Variants in SCN8A observed in about 807,000 individuals in gnomAD.
SCN8A encodes the protein sodium voltage-gated channel alpha subunit 8.
A neutral mutation model predicts 184.1 loss-of-function variants in SCN8A; 30 were observed. That is an observed-to-expected ratio of 0.16 (90% confidence interval 0.12 to 0.22). The LOEUF is 0.22. SCN8A is among the 10% of genes least tolerant of loss of function. The pLI is 1.00. For missense variants in SCN8A, 1,057 were observed against 2,498.9 expected (o/e 0.42, Z 12.30); for synonymous variants, 852 against 907.0 (o/e 0.94, Z 1.09).
intron 2 of SCN8A, among the ~76,000 whole-genome samples, chr12:51,675,750 G>GTA (rs1400219514): frequency 6.6e-6 from 1 of 152,148 alleles, no homozygotes; most frequent in East Asian, 1.9e-4. Context: ...ATAATTAAGA[G>GTA]TATAGGCTTT....
At chr12:51,629,573 T>C (rs1940153207) in intron 1 of SCN8A, among the ~76,000 whole-genome samples, 1 of 102,562 alleles carries the variant, frequency 9.8e-6, no homozygotes, top group South Asian at 3.6e-4. Context: ...GAATTCTGCA[T>C]CAGTTTTGCA....
At chr12:51,771,331 A>G (rs1417045416) in intron 19 of SCN8A, among the ~76,000 whole-genome samples, 3 of 152,162 alleles carry the variant, frequency 2.0e-5, no homozygotes, top group South Asian at 2.1e-4. Flanking sequence ...GAGACAGTAC[A>G]CACTTTCCTT....
chr12:51,699,672 T>A lies in SCN8A; in HGVS notation c.809T>A (p.Leu270Gln). Residue 270 changes from leucine (L) to glutamine (Q), a missense_variant, in exon 7 of 27, where the codon CTG (leucine) becomes CAG (glutamine). This residue lies in a region of SCN8A where 66 missense variants were observed against 276.4 expected (regional missense o/e 0.24). Coordinates refer to ENST00000627620, the MANE Select transcript of SCN8A (RefSeq NM_001330260.2). ...FCLSVFALIGLQLFMGNLRNK... is the reference protein window; with the variant it reads ...FCLSVFALIGQQLFMGNLRNK... ...CTGAGTGTTTTTGCCTTGATCGGACTGCAGCTGTTCATGGGGAACCTTCGA... is the reference window on the plus strand; with the variant it reads ...CTGAGTGTTTTTGCCTTGATCGGACAGCAGCTGTTCATGGGGAACCTTCGA... 1 of 1,614,154 alleles carries A rather than the reference T, an allele frequency of 6.2e-7. No homozygotes were observed. Among genetic ancestry groups the A allele is most frequent in the Non-Finnish European group, 8.5e-7 (1 of 1,180,006 alleles).
chr12:51,701,693 C>A (rs1184694226), intron 8 of SCN8A, among the ~76,000 whole-genome samples: 1 of 152,080 alleles, frequency 6.6e-6, no homozygotes, highest in Non-Finnish European at 1.5e-5. Flanking sequence ...TTTTTTCATC[C>A]ATAAAATGGA....
chr12:51,617,665 A>T (rs751820234), intron 1 of SCN8A, among the ~76,000 whole-genome samples: 6 of 152,128 alleles, frequency 3.9e-5, no homozygotes, highest in African/African-American at 1.2e-4. Context: ...TTGAATTTGT[A>T]TCCTGAACAC....
At chr12:51,797,810 C>G (rs1341029410) in intron 26 of SCN8A, among the ~76,000 whole-genome samples, 1 of 152,172 alleles carries the variant, frequency 6.6e-6, no homozygotes, top group Non-Finnish European at 1.5e-5. Flanking sequence ...TTAGAGGTAG[C>G]CCAAAGTGGC....
At chr12:51,601,855 GTT>G (rs938674707) in intron 1 of SCN8A, among the ~76,000 whole-genome samples, 10,017 of 109,562 alleles carry the variant, frequency 0.091, 449 homozygotes, top group South Asian at 0.21. Flanking sequence ...CAGAGAAAGG[GTT>G]TTTTTTTTTT....
intron 1 of SCN8A, among the ~76,000 whole-genome samples, chr12:51,592,719 G>A (rs1939255145): frequency 6.6e-6 from 1 of 152,086 alleles, no homozygotes; most frequent in South Asian, 2.1e-4. Flanking sequence ...AAGTGTGGGT[G>A]GGGGCCATGG....
chr12:51,706,721 CTCT>C lies in SCN8A; in HGVS notation c.1635+11_1635+13del. 4.0e-6 allele frequency: 6 copies of C among 1,513,266 alleles called. No individual in the cohort carries two copies. The highest frequency in any genetic ancestry group is 5.3e-6 in the Non-Finnish European group (6 of 1,135,926). 93.7% of individuals were successfully genotyped at this position (1,513,266 alleles called of 1,614,324 possible). On this transcript the variant is annotated splice_region_variant and intron_variant, in intron 11 of 26. Coordinates refer to ENST00000627620, the MANE Select transcript of SCN8A (RefSeq NM_001330260.2). ...AATTTTCCATCATGAATCAGGTAAA[CTCT>C]TCTTTTTTCTATACCTTTTTCAAAA...
chr12:51,599,675 A>T (rs771056114), intron 1 of SCN8A, among the ~76,000 whole-genome samples: 1 of 152,204 alleles, frequency 6.6e-6, no homozygotes, highest in Admixed American at 6.5e-5. Context: ...GTCTAATTGG[A>T]TGGAATAGAG....
In SCN8A at chr12:51,699,782, A is replaced by C; in HGVS notation, c.919A>C (p.Asn307His). The change falls in exon 7 of 27, where the codon AAC (asparagine) becomes CAC (histidine). Residue 307 changes from asparagine to histidine, a missense_variant. By Grantham distance (68) the Asn-to-His change is moderately conservative. Coordinates refer to ENST00000627620, the MANE Select transcript of SCN8A (RefSeq NM_001330260.2). The part of the protein sequence containing the change: ...TKGFDWEEYI[N>H]NKTNFYTVPG... ...AGGCTTTGATTGGGAAGAGTATATCAACAATAAAAGTAGGTGGCCTCTTCT... is the reference window on the plus strand; with the variant it reads ...AGGCTTTGATTGGGAAGAGTATATCCACAATAAAAGTAGGTGGCCTCTTCT... 1 of 1,612,518 alleles carries C rather than the reference A, an allele frequency of 6.2e-7. No individual in the cohort carries two copies. Among genetic ancestry groups the C allele is most frequent in the Non-Finnish European group, 8.5e-7 (1 of 1,179,160 alleles).
chr12:51,761,248 C>T (rs1326234532), intron 14 of SCN8A, among the ~76,000 whole-genome samples: 1 of 152,016 alleles, frequency 6.6e-6, no homozygotes. Flanking sequence ...TCGGGAAGTG[C>T]AGGCACTCTG....
intron 1 of SCN8A, among the ~76,000 whole-genome samples, chr12:51,608,082 G>A (rs1407927702): frequency 2.0e-5 from 3 of 148,522 alleles, no homozygotes; most frequent in Admixed American, 6.7e-5. Flanking sequence ...GTGCAGTGGC[G>A]TGATCTCGGC....
intron 1 of SCN8A, among the ~76,000 whole-genome samples, chr12:51,629,203 G>A (rs934981416): frequency 2.6e-5 from 4 of 152,204 alleles, no homozygotes. Flanking sequence ...GTCTGTCATA[G>A]CTATTGATAT....
In SCN8A at chr12:51,793,040, C is replaced by T. The variant is rs535266413; in HGVS notation, c.4525-1331C>T. On this transcript the variant is annotated intron_variant, in intron 25 of 26. Transcript: ENST00000627620. Reference sequence around the variant, plus strand: ...CTGGGATTACAGGCGTGAGCCACCGCACCTGGCCATGATCCATTTGTTTTA... The same window carrying T: ...CTGGGATTACAGGCGTGAGCCACCGTACCTGGCCATGATCCATTTGTTTTA... Among the ~76,000 whole-genome samples the T allele has an allele frequency of 2.6e-5, 4 of 152,248 alleles. No individual in the cohort carries two copies. The South Asian group carries it at 8.3e-4, about 32-fold the overall frequency.
intron 16 of SCN8A, among the ~76,000 whole-genome samples, chr12:51,767,502 G>A (rs1028141504): frequency 2.0e-5 from 3 of 151,978 alleles, no homozygotes; most frequent in African/African-American, 7.3e-5. Flanking sequence ...TATTTCTGTG[G>A]ATATCTTTCT....
intron 21 of SCN8A, among the ~76,000 whole-genome samples, chr12:51,783,935 T>C (rs1424690535): frequency 6.6e-6 from 1 of 152,224 alleles, no homozygotes; most frequent in East Asian, 1.9e-4. Flanking sequence ...TATAGATTAC[T>C]AAAACCTAGC....
chr12:51,805,585 G>C (rs1213225650), intron 26 of SCN8A, among the ~76,000 whole-genome samples: 1 of 152,100 alleles, frequency 6.6e-6, no homozygotes, highest in Admixed American at 6.5e-5. Flanking sequence ...TGGGAATGAT[G>C]AAAGAGGAAG....
chr12:51,595,442 G>C (rs1216196724), intron 1 of SCN8A, among the ~76,000 whole-genome samples: 1 of 152,164 alleles, frequency 6.6e-6, no homozygotes, highest in Non-Finnish European at 1.5e-5. Flanking sequence ...TAGAGATTAA[G>C]GTGAAATGAA....
Sources: allele counts gnomAD v4.1 joint callset (sites outside exome capture counted in the v4.1 genomes callset), GRCh38; gene constraint gnomAD v4.1.1; regional missense constraint gnomAD v4.1.1; transcripts MANE v1.5; gene names NCBI Gene and HGNC (gene_info 2026-07-23, HGNC 2026-07-21).